Variants in SLC9C2 observed in about 807,000 individuals in gnomAD.
SLC9C2 encodes sodium/hydrogen exchanger 11.
Under a neutral mutation model 140.2 loss-of-function variants are expected in SLC9C2, and 75 were observed. The ratio of observed to expected loss-of-function variants is 0.53; its 90% confidence interval spans 0.44 to 0.65. SLC9C2 has a LOEUF of 0.65. Among genes scored for constraint, SLC9C2 ranks in the 30% least tolerant of loss-of-function variants. The pLI, the probability that SLC9C2 is intolerant of heterozygous loss-of-function variation, is 0.00. For synonymous variants in SLC9C2, 375 were observed against 420.9 expected, an observed-to-expected ratio of 0.89 and a Z score of 1.34; for missense variants, 1,074 against 1,331.8, an observed-to-expected ratio of 0.81 and a Z score of 3.01.
chr1:173,514,910 G>T (rs12075021), intron 23 of SLC9C2, among the ~76,000 whole-genome samples: 1 of 151,824 alleles, frequency 6.6e-6, no homozygotes, highest in Non-Finnish European at 1.5e-5. Context: ...TTTTTTTATG[G>T]AGCTTAGTTT....
rs1255729727 is a variant in SLC9C2, at chr1:173,599,454, A to C, written c.228+663T>G. ...CAGTGGCGCAATCTCGGCTCACTGCAAGCTCCGTCTCCTGGGTTCACGCCA... is the reference window on the plus strand; with the variant it reads ...CAGTGGCGCAATCTCGGCTCACTGCCAGCTCCGTCTCCTGGGTTCACGCCA... On this transcript the variant is annotated intron_variant, in intron 3 of 27. Transcript: ENST00000367714. Among the ~76,000 whole-genome samples the C allele has an allele frequency of 2.3e-5, 3 of 132,454 alleles. No individual in the cohort carries two copies. The East Asian group carries it at 7.1e-4, about 31-fold the overall frequency. 86.9% of individuals were successfully genotyped at this position (132,454 alleles called of 152,430 possible).
At chr1:173,579,345 C>T (rs946859463) in intron 7 of SLC9C2, among the ~76,000 whole-genome samples, 1 of 152,120 alleles carries the variant, frequency 6.6e-6, no homozygotes, top group Non-Finnish European at 1.5e-5. Context: ...GAAAGCCATC[C>T]TTGAAATCAG....
chr1:173,596,140 T>C (rs1429843467), intron 4 of SLC9C2, among the ~76,000 whole-genome samples: 2 of 152,220 alleles, frequency 1.3e-5, no homozygotes, highest in Non-Finnish European at 2.9e-5. Context: ...CTGAGTAATA[T>C]TTCATTGAAA....
At chr1:173,545,594 C>A (rs1053048139) in intron 13 of SLC9C2, among the ~76,000 whole-genome samples, 3 of 152,142 alleles carry the variant, frequency 2.0e-5, no homozygotes, top group African/African-American at 7.2e-5. Context: ...AGAAGACTCA[C>A]ACTTCAGGAG....
intron 10 of SLC9C2, among the ~76,000 whole-genome samples, chr1:173,555,876 C>T (rs554305982): frequency 2.0e-5 from 3 of 152,150 alleles, no homozygotes; most frequent in Non-Finnish European, 2.9e-5. Context: ...CCCTCTCATG[C>T]TACATACAGA....
chr1:173,538,404 ATTGT>A (rs1245750811), intron 13 of SLC9C2, among the ~76,000 whole-genome samples: 1 of 152,180 alleles, frequency 6.6e-6, no homozygotes, highest in Non-Finnish European at 1.5e-5. Context: ...AATATGATGG[ATTGT>A]TTATTTATTC....
chr1:173,503,316 G>A lies in SLC9C2; in HGVS notation c.3321C>T (p.Asn1107=). The change falls in exon 27 of 28, where the codon AAC becomes AAT. Residue 1107 remains asparagine, a synonymous_variant. Transcript: ENST00000367714. ...TCTTTCCTGGTTGTTCAAAGACCGT[G>A]TTGACTGAGGCTAACCAAATCCAAG... ...NSNTNVMASV[N]TVFEQPGKNI... 6.2e-7 allele frequency: 1 copy of A among 1,613,784 alleles called. No individual in the cohort carries two copies.
rs980897821 is a variant in SLC9C2 at position 173,598,984 on chromosome 1, T to C, written c.229-952A>G. ...AAATCAGAAGTTAATACTAGGTTAATGAATGAATGAATGTTTTCTTGTATC... is the reference window on the plus strand; with the variant it reads ...AAATCAGAAGTTAATACTAGGTTAACGAATGAATGAATGTTTTCTTGTATC... On this transcript the variant is annotated intron_variant, in intron 3 of 27. Coordinates refer to ENST00000367714, the MANE Select transcript of SLC9C2 (RefSeq NM_178527.4). Among the ~76,000 whole-genome samples the C allele has an allele frequency of 9.9e-5, 15 of 152,254 alleles. 1 individual carries two copies. The highest frequency in any genetic ancestry group is 9.8e-4 in the Admixed American group (15 of 15,288).
At chr1:173,533,894 A>G in intron 16 of SLC9C2, 97 bp from the exon 17 acceptor site, 11 of 1,315,188 alleles carry the variant, frequency 8.4e-6, no homozygotes, top group Non-Finnish European at 1.1e-5. Flanking sequence ...ACTACAAATG[A>G]GTTATATTCC....
intron 17 of SLC9C2, among the ~76,000 whole-genome samples, chr1:173,533,351 C>T (rs944471494): frequency 6.6e-6 from 1 of 152,198 alleles, no homozygotes; most frequent in African/African-American, 2.4e-5. Flanking sequence ...ACAATCTCAG[C>T]TCACTGCAGC....
intron 9 of SLC9C2, among the ~76,000 whole-genome samples, chr1:173,561,743 T>C (rs1224587907): frequency 6.6e-6 from 1 of 151,930 alleles, no homozygotes; most frequent in African/African-American, 2.4e-5. Flanking sequence ...AAATTGATGA[T>C]CACTGGTCCC....
At chr1:173,596,205 C>T (rs1666449340) in intron 4 of SLC9C2, among the ~76,000 whole-genome samples, 1 of 152,062 alleles carries the variant, frequency 6.6e-6, no homozygotes, top group African/African-American at 2.4e-5. Flanking sequence ...TGTTTCCAGA[C>T]ATTTGAGATT....
intron 4 of SLC9C2, among the ~76,000 whole-genome samples, chr1:173,591,550 C>G (rs1241769014): frequency 6.6e-6 from 1 of 151,770 alleles, no homozygotes; most frequent in African/African-American, 2.4e-5. Context: ...TATTTTTTGA[C>G]TTTTTAATAA....
At chr1:173,541,648 C>A (rs1181446432) in intron 13 of SLC9C2, among the ~76,000 whole-genome samples, 1 of 152,190 alleles carries the variant, frequency 6.6e-6, no homozygotes, top group South Asian at 2.1e-4. Context: ...ACAGAAATCA[C>A]AACAAACTGT....
intron 4 of SLC9C2, among the ~76,000 whole-genome samples, chr1:173,591,877 C>A (rs116097814): frequency 0.012 from 1,764 of 152,138 alleles, 44 homozygotes; most frequent in African/African-American, 0.041. Flanking sequence ...TAATTAAATC[C>A]TATTTGTTAA....
intron 21 of SLC9C2, among the ~76,000 whole-genome samples, chr1:173,522,952 GC>G (rs1184074357): frequency 6.6e-6 from 1 of 152,160 alleles, no homozygotes; most frequent in African/African-American, 2.4e-5. Flanking sequence ...GCCTTCCATG[GC>G]CGCTCTGTGT....
In SLC9C2 at chr1:173,524,002, C is replaced by T. The variant is rs1053831195; in HGVS notation, c.2607G>A (p.Leu869=). The T allele has an allele frequency of 3.7e-6, 6 of 1,613,380 alleles. No homozygotes were observed. The highest frequency in any genetic ancestry group is 5.1e-6 in the Non-Finnish European group (6 of 1,179,706). Residue 869 remains leucine, a synonymous_variant, in exon 21 of 28, where the codon CTG becomes CTA. Coordinates refer to ENST00000367714, the MANE Select transcript of SLC9C2 (RefSeq NM_178527.4). The part of the protein sequence containing the change: ...PDIYLHNIIW[L]EGKDVLIDFF... ...AGTCAATGAGAACATCTTTACCTTC[C>T]AGCCAAATGATGTTGTGAAGGTATA... is the stretch of plus-strand genomic sequence containing the variant.
At chr1:173,547,380 T>C (rs1438324882) in intron 13 of SLC9C2, among the ~76,000 whole-genome samples, 1 of 150,770 alleles carries the variant, frequency 6.6e-6, no homozygotes, top group Non-Finnish European at 1.5e-5. Context: ...ATAAAAGCAA[T>C]TTTAAATATT....
At chr1:173,578,827 A>G (rs546609185) in intron 7 of SLC9C2, among the ~76,000 whole-genome samples, 21 of 152,346 alleles carry the variant, frequency 1.4e-4, no homozygotes, top group African/African-American at 4.8e-4. Flanking sequence ...ATAAGGATAC[A>G]GTCATACTGG....
Sources: allele counts gnomAD v4.1 joint callset (sites outside exome capture counted in the v4.1 genomes callset), GRCh38; gene constraint gnomAD v4.1.1; transcripts MANE v1.5; gene names NCBI Gene and HGNC (gene_info 2026-07-23, HGNC 2026-07-21).